KLHL29: variants seen among roughly 807,000 people sequenced by gnomAD.
KLHL29 encodes kelch-like protein 29.
A neutral mutation model predicts 80.4 loss-of-function variants in KLHL29; 21 were observed. The ratio of observed to expected loss-of-function variants is 0.26; its 90% CI spans 0.19 to 0.38. KLHL29 has a LOEUF of 0.38. Ranked by LOEUF, KLHL29 falls within the 10% of genes least tolerant of loss-of-function variation. The pLI, the probability that KLHL29 is intolerant of heterozygous loss-of-function variation, is 1.00. For synonymous variants in KLHL29, 511 were observed against 526.8 expected (o/e 0.97, Z 0.41); for missense variants, 867 against 1,223.9 (o/e 0.71, Z 4.35).
At chr2:23,442,897 C>T (rs1039703433) in intron 1 of KLHL29, among the ~76,000 whole-genome samples, 6 of 152,194 alleles carry the variant, frequency 3.9e-5, no homozygotes, top group East Asian at 3.9e-4. Context: ...AGTAGTTTTG[C>T]CCAGAGTTAA....
At chr2:23,636,172 G>A (rs1669602979) in intron 3 of KLHL29, among the ~76,000 whole-genome samples, 1 of 152,212 alleles carries the variant, frequency 6.6e-6, no homozygotes, top group Non-Finnish European at 1.5e-5. Flanking sequence ...GTCAGGCCGC[G>A]CTGACGCACA....
At chr2:23,422,591 GTC>G (rs370759307) in intron 1 of KLHL29, among the ~76,000 whole-genome samples, 23 of 150,444 alleles carry the variant, frequency 1.5e-4, no homozygotes, top group African/African-American at 5.4e-4. Context: ...GTGTGTCTGT[GTC>G]TCTGTGTTGT....
rs1672806616 is a variant in KLHL29 at position 23,707,515 on chromosome 2, A to C, written c.*851A>C. ...TTGCTCTCATTTTTCTATGTGCAGA[A>C]TAGAGGATCTCTCCTGGGGTGGGCG... On this transcript the variant is annotated 3_prime_UTR_variant, in exon 14 of 14. Coordinates refer to ENST00000486442, the MANE Select transcript of KLHL29 (RefSeq NM_052920.2). 1 of 152,242 alleles carries C rather than the reference A, an allele frequency of 6.6e-6. No homozygotes were observed. The highest frequency in any genetic ancestry group is 6.5e-5 in the Admixed American group (1 of 15,286). 9.4% of individuals were successfully genotyped at this position (152,242 alleles called of 1,614,324 possible).
chr2:23,397,361 C>T (rs1666475986), intron 1 of KLHL29, among the ~76,000 whole-genome samples: 1 of 152,252 alleles, frequency 6.6e-6, no homozygotes, highest in Admixed American at 6.5e-5. Context: ...AAATTTAAAG[C>T]TTGATTCTGC....
At chr2:23,632,758 G>A (rs553032628) in intron 3 of KLHL29, among the ~76,000 whole-genome samples, 2 of 152,366 alleles carry the variant, frequency 1.3e-5, no homozygotes, top group South Asian at 4.1e-4. Context: ...GCTGGGCTGA[G>A]GACACCAGAG....
intron 2 of KLHL29, among the ~76,000 whole-genome samples, chr2:23,485,203 C>A (rs376619440): frequency 2.0e-5 from 3 of 152,218 alleles, no homozygotes; most frequent in Admixed American, 6.5e-5. Flanking sequence ...CTCCTGGCCC[C>A]TCAGCCCCAC....
chr2:23,442,745 C>A (rs556287160), intron 1 of KLHL29, among the ~76,000 whole-genome samples: 4 of 152,162 alleles, frequency 2.6e-5, no homozygotes, highest in African/African-American at 9.6e-5. Context: ...ATGTACAACC[C>A]CAGAGTCTGT....
At chr2:23,490,990 A>G (rs1665084006) in intron 2 of KLHL29, among the ~76,000 whole-genome samples, 1 of 151,992 alleles carries the variant, frequency 6.6e-6, no homozygotes, top group Non-Finnish European at 1.5e-5. Context: ...TCTGGGATGC[A>G]TGTGCAGAAC....
chr2:23,426,729 C>T (rs1002383626), intron 1 of KLHL29, among the ~76,000 whole-genome samples: 2 of 152,188 alleles, frequency 1.3e-5, no homozygotes, highest in Non-Finnish European at 2.9e-5. Flanking sequence ...CACTCAGAGC[C>T]GTGACTGGGA....
At chr2:23,446,506 C>A (rs1663687670) in intron 1 of KLHL29, among the ~76,000 whole-genome samples, 1 of 152,182 alleles carries the variant, frequency 6.6e-6, no homozygotes, top group Non-Finnish European at 1.5e-5. Flanking sequence ...AGTGGCACGT[C>A]TATTCCTGTG....
At chr2:23,443,206 T>C (rs571424886) in intron 1 of KLHL29, among the ~76,000 whole-genome samples, 3 of 152,340 alleles carry the variant, frequency 2.0e-5, no homozygotes, top group Non-Finnish European at 2.9e-5. Context: ...TGCATATCTA[T>C]GTATATTTTT....
chr2:23,490,601 G>GA (rs1665069362), intron 2 of KLHL29, among the ~76,000 whole-genome samples: 1 of 152,098 alleles, frequency 6.6e-6, no homozygotes, highest in Non-Finnish European at 1.5e-5. Context: ...TACCATGGGG[G>GA]AAAAAACCCA....
intron 1 of KLHL29, among the ~76,000 whole-genome samples, chr2:23,438,558 A>G (rs1572513182): frequency 6.7e-6 from 1 of 150,088 alleles, no homozygotes; most frequent in Non-Finnish European, 1.5e-5. Context: ...TTCTGCATCT[A>G]TTGAGATAGT....
intron 1 of KLHL29, among the ~76,000 whole-genome samples, chr2:23,455,078 G>A (rs1664010631): frequency 6.6e-6 from 1 of 151,522 alleles, no homozygotes; most frequent in African/African-American, 2.4e-5. Context: ...CAAATTTATT[G>A]TGAATTAAAT....
intron 1 of KLHL29, among the ~76,000 whole-genome samples, chr2:23,423,162 A>G (rs1477107972): frequency 6.6e-6 from 1 of 152,204 alleles, no homozygotes; most frequent in Non-Finnish European, 1.5e-5. Flanking sequence ...GGTCACAGGA[A>G]GTGTTTTTCA....
At chr2:23,608,952 C>G (rs1668793245) in intron 3 of KLHL29, among the ~76,000 whole-genome samples, 1 of 152,096 alleles carries the variant, frequency 6.6e-6, no homozygotes, top group Admixed American at 6.5e-5. Context: ...TTTTAGGGAG[C>G]CCTGTGCTCA....
At chr2:23,568,528 A>G (rs1214578050) in intron 3 of KLHL29, among the ~76,000 whole-genome samples, 1 of 152,208 alleles carries the variant, frequency 6.6e-6, no homozygotes, top group Non-Finnish European at 1.5e-5. Flanking sequence ...CAGCTAGCTC[A>G]GGCTTATTCA....
intron 2 of KLHL29, among the ~76,000 whole-genome samples, chr2:23,548,389 A>G (rs930132271): frequency 2.0e-5 from 3 of 151,898 alleles, no homozygotes; most frequent in African/African-American, 7.3e-5. Flanking sequence ...ACAGACACAC[A>G]CATGCACGCA....
intron 2 of KLHL29, among the ~76,000 whole-genome samples, chr2:23,552,789 C>T: frequency 3.7e-5 from 1 of 26,994 alleles, no homozygotes; most frequent in African/African-American, 3.0e-4. Context: ...GAGATGGCGT[C>T]TCACTGTGTC....
Sources: allele counts gnomAD v4.1 joint callset (sites outside exome capture counted in the v4.1 genomes callset), GRCh38; gene constraint gnomAD v4.1.1; transcripts MANE v1.5; gene names NCBI Gene and HGNC (gene_info 2026-07-23, HGNC 2026-07-21).